IMMP2L: variants seen among roughly 807,000 people sequenced by gnomAD.
IMMP2L encodes the protein inner mitochondrial membrane peptidase subunit 2.
Under a neutral mutation model 19.3 loss-of-function variants are expected in IMMP2L, and 18 were observed. That is an observed-to-expected ratio of 0.93 (90% CI 0.64 to 1.38). The LOEUF is 1.38. Among genes scored for constraint, IMMP2L ranks in the 40% most tolerant of loss-of-function variants. The pLI is 0.00. For missense variants in IMMP2L, 233 were observed against 218.2 expected (o/e 1.07, Z -0.43); for synonymous variants, 76 against 73.0 (o/e 1.04, Z -0.21).
Position 111,180,506 on chromosome 7 carries a change from C to T in IMMP2L, c.240-216941G>A, listed in dbSNP as rs1170214145. Among the ~76,000 whole-genome samples the T allele has an allele frequency of 2.0e-5, 3 of 151,950 alleles. No individual in the cohort carries two copies. In the East Asian group the frequency reaches 5.8e-4, roughly 29 times the overall value. On this transcript the variant is annotated intron_variant, in intron 3 of 5. Coordinates refer to ENST00000405709, the MANE Select transcript of IMMP2L (RefSeq NM_032549.4). ...GTTACAACAGTAACAGCAAAGATTA[C>T]TAATCACAGATCACTACAACATATG...
chr7:110,997,456 C>G (rs1463259946), intron 3 of IMMP2L, among the ~76,000 whole-genome samples: 2 of 152,058 alleles, frequency 1.3e-5, no homozygotes, highest in Non-Finnish European at 2.9e-5. Flanking sequence ...TTTTCCAGAG[C>G]AGCAGTACCA....
chr7:111,430,967 C>A (rs973008392), intron 3 of IMMP2L, among the ~76,000 whole-genome samples: 1 of 151,714 alleles, frequency 6.6e-6, no homozygotes, highest in African/African-American at 2.4e-5. Context: ...ATTAGTCAGA[C>A]GTGGTGGTGA....
At chr7:111,288,529 A>G (rs1407340434) in intron 3 of IMMP2L, among the ~76,000 whole-genome samples, 1 of 152,192 alleles carries the variant, frequency 6.6e-6, no homozygotes, top group East Asian at 1.9e-4. Context: ...TATCCATCTG[A>G]CAAAGGGCTA....
chr7:110,779,987 T>G (rs1397246400), intron 5 of IMMP2L, among the ~76,000 whole-genome samples: 1 of 151,904 alleles, frequency 6.6e-6, no homozygotes, highest in Non-Finnish European at 1.5e-5. Flanking sequence ...TGCTACAACC[T>G]TTTTAGCACG....
intron 3 of IMMP2L, among the ~76,000 whole-genome samples, chr7:111,051,934 G>C (rs1254485271): frequency 1.3e-5 from 2 of 152,174 alleles, no homozygotes; most frequent in African/African-American, 4.8e-5. Flanking sequence ...TGAAAATGTA[G>C]CTTAGGCCTT....
At chr7:111,532,017 A>G (rs1394160773) in intron 1 of IMMP2L, among the ~76,000 whole-genome samples, 4 of 152,168 alleles carry the variant, frequency 2.6e-5, no homozygotes, top group Non-Finnish European at 4.4e-5. Flanking sequence ...TTTAGAAAAA[A>G]AAAATCTCAA....
intron 3 of IMMP2L, among the ~76,000 whole-genome samples, chr7:111,070,768 C>A (rs1005493678): frequency 2.6e-5 from 4 of 152,170 alleles, no homozygotes; most frequent in East Asian, 1.9e-4. Context: ...TTTAACTGAA[C>A]CTTAGATACT....
At chr7:111,443,975 T>A (rs1187299858) in intron 3 of IMMP2L, among the ~76,000 whole-genome samples, 1 of 152,098 alleles carries the variant, frequency 6.6e-6, no homozygotes, top group African/African-American at 2.4e-5. Flanking sequence ...TTTCAAAAGG[T>A]GAAAAATGTT....
intron 3 of IMMP2L, among the ~76,000 whole-genome samples, chr7:111,104,676 G>C (rs1001418056): frequency 6.6e-6 from 1 of 151,666 alleles, no homozygotes; most frequent in Non-Finnish European, 1.5e-5. Context: ...GTGGAGAAAA[G>C]GAAAATTAAT....
chr7:110,714,032 T>G (rs1040673353), intron 5 of IMMP2L, among the ~76,000 whole-genome samples: 11 of 152,190 alleles, frequency 7.2e-5, no homozygotes, highest in Non-Finnish European at 1.3e-4. Context: ...CCTCCTGTTT[T>G]TACTCATTCA....
intron 3 of IMMP2L, among the ~76,000 whole-genome samples, chr7:111,001,972 T>C (rs573954909): frequency 2.4e-4 from 36 of 151,922 alleles, no homozygotes; most frequent in African/African-American, 8.7e-4. Flanking sequence ...CATCTAGGCA[T>C]GTGGTCAAGA....
chr7:111,528,692 A>T (rs925172237), intron 1 of IMMP2L, among the ~76,000 whole-genome samples: 8 of 152,210 alleles, frequency 5.3e-5, no homozygotes, highest in Non-Finnish European at 1.2e-4. Context: ...CCAATCACTC[A>T]TCCATGGCAA....
In IMMP2L at chr7:111,447,911, G is replaced by C. The variant is rs893323430; in HGVS notation, c.239+39327C>G. On this transcript the variant is annotated intron_variant, in intron 3 of 5. Transcript: ENST00000405709. ...AAAAAAGGCAGGGGTTGCAATCCTA[G>C]TCTCTGATAAAACAGACTTTAAACC... 3.6e-3 allele frequency among the ~76,000 whole-genome samples: 538 copies of C among 147,998 alleles called. 1 individual carries two copies. The highest frequency in any genetic ancestry group is 0.013 in the African/African-American group (520 of 39,284).
At chr7:111,370,058 A>C (rs192106450) in intron 3 of IMMP2L, among the ~76,000 whole-genome samples, 9 of 152,148 alleles carry the variant, frequency 5.9e-5, no homozygotes, top group Non-Finnish European at 8.8e-5. Flanking sequence ...AAAATTTTAT[A>C]AAAAATATCA....
chr7:111,235,150 T>G (rs888736325), intron 3 of IMMP2L, among the ~76,000 whole-genome samples: 4 of 152,114 alleles, frequency 2.6e-5, no homozygotes, highest in Non-Finnish European at 4.4e-5. Context: ...ATCTTTATTT[T>G]TGAAAGATAT....
intron 3 of IMMP2L, chr7:111,392,732 G>A: frequency 8.8e-6 from 4 of 456,352 alleles, no homozygotes; most frequent in South Asian, 1.5e-5. Context: ...AGGTGGGAGG[G>A]TCCTCCCCTC....
At chr7:111,127,915 T>C (rs958822036) in intron 3 of IMMP2L, among the ~76,000 whole-genome samples, 7 of 152,050 alleles carry the variant, frequency 4.6e-5, no homozygotes, top group African/African-American at 1.4e-4. Context: ...CAAAAATATA[T>C]AAAAACAGTG....
At chr7:111,171,553 T>C (rs1043457407) in intron 3 of IMMP2L, among the ~76,000 whole-genome samples, 5 of 151,582 alleles carry the variant, frequency 3.3e-5, no homozygotes, top group Admixed American at 2.0e-4. Flanking sequence ...AAAGAAAACA[T>C]GGCAAAAAGA....
Position 110,760,677 on chromosome 7 carries a change from T to G in IMMP2L, c.409-96956A>C, listed in dbSNP as rs1307549665. Among the ~76,000 whole-genome samples, 3 of 152,168 alleles carry G rather than the reference T, an allele frequency of 2.0e-5. No individual in the cohort carries two copies. Among genetic ancestry groups the G allele is most frequent in the Non-Finnish European group, 4.4e-5 (3 of 68,026 alleles). ...TCACAGAATTGAATCTTTTTTGGTC[T>G]GTGCTTTCTTTTTGTTCTACAATAT... On this transcript the variant is annotated intron_variant, in intron 5 of 5. Coordinates refer to ENST00000405709, the MANE Select transcript of IMMP2L (RefSeq NM_032549.4). The surrounding 1 kb of genome is among the most constrained non-coding windows in gnomAD (Gnocchi z 4.2).
Sources: allele counts gnomAD v4.1 joint callset (sites outside exome capture counted in the v4.1 genomes callset), GRCh38; gene constraint gnomAD v4.1.1; non-coding constraint Gnocchi (gnomAD v3.1); transcripts MANE v1.5; gene names NCBI Gene and HGNC (gene_info 2026-07-23, HGNC 2026-07-21).